The following HORMAD2 variants were observed in gnomAD, a reference collection of about 807,000 sequenced individuals.
HORMAD2 encodes the protein HORMA domain-containing protein 2.
Under a neutral mutation model 38.8 loss-of-function variants are expected in HORMAD2, and 45 were observed. The observed-to-expected ratio is 1.16, with a 90% CI of 0.91 to 1.49. The LOEUF is 1.49. HORMAD2 is among the 40% of genes most tolerant of loss of function. The probability of loss-of-function intolerance (pLI) is 0.00; values close to 1 mark genes in which losing one functional copy is unlikely to be tolerated. For missense variants in HORMAD2, 338 were observed against 367.0 expected, an observed-to-expected ratio of 0.92 and a Z score of 0.65; for synonymous variants, 126 against 122.8, an observed-to-expected ratio of 1.03 and a Z score of -0.17.
rs564568364 is a variant in HORMAD2, at chr22:30,153,828, A to G, written c.820-22235A>G. Among the ~76,000 whole-genome samples the G allele has an allele frequency of 1.6e-4, 24 of 152,292 alleles. No homozygotes were observed. The South Asian group carries it at 2.3e-3, about 14-fold the overall frequency. ...TTAGTTCTTCTCCCTCAAAACCTAT[A>G]TCCAGTCCATCAGTGAGTCTAGTGA... On this transcript the variant is annotated intron_variant, in intron 10 of 10. Transcript: ENST00000336726.
intron 2 of HORMAD2, among the ~76,000 whole-genome samples, chr22:30,096,471 T>G (rs573954220): frequency 3.0e-4 from 45 of 150,732 alleles, no homozygotes; most frequent in African/African-American, 1.0e-3. Context: ...TGTAGTATTC[T>G]CTCATTGTGA....
At chr22:30,107,749 C>CAAAT (rs554068125) in intron 5 of HORMAD2, among the ~76,000 whole-genome samples, 109 of 151,664 alleles carry the variant, frequency 7.2e-4, no homozygotes, top group East Asian at 2.9e-3. Context: ...AACTTCATCT[C>CAAAT]AAATAAATAA....
At chr22:30,184,035 C>T in the HORMAD2 span, among the ~76,000 whole-genome samples, 3 of 152,132 alleles carry the variant, frequency 2.0e-5, no homozygotes, top group Non-Finnish European at 2.9e-5. Flanking sequence ...AGTATCTCTC[C>T]CTATCTGTGG....
chr22:30,194,299 A>G, the HORMAD2 span, among the ~76,000 whole-genome samples: 1 of 152,184 alleles, frequency 6.6e-6, no homozygotes, highest in African/African-American at 2.4e-5. Context: ...AACATTTAGG[A>G]GTCTGAAAAC....
intron 10 of HORMAD2, among the ~76,000 whole-genome samples, chr22:30,151,346 C>T (rs887062234): frequency 1.3e-5 from 2 of 151,984 alleles, no homozygotes; most frequent in African/African-American, 2.4e-5. Flanking sequence ...ATCCAGAAGT[C>T]GGTAAACATA....
At chr22:30,166,720 G>A (rs1301251237) in intron 10 of HORMAD2, among the ~76,000 whole-genome samples, 1 of 152,166 alleles carries the variant, frequency 6.6e-6, no homozygotes, top group Non-Finnish European at 1.5e-5. Flanking sequence ...TCTGTTGTCA[G>A]AAACGTTCAA....
chr22:30,177,136 A>G (rs1237126233), downstream of HORMAD2: 4 of 152,398 alleles, frequency 2.6e-5, no homozygotes, highest in African/African-American at 4.8e-5. Context: ...TAACATCAGT[A>G]TCTCTCCAAA....
chr22:30,137,106 A>G, intron 10 of HORMAD2: 1 of 382,404 alleles, frequency 2.6e-6, no homozygotes, highest in African/African-American at 2.1e-5. Flanking sequence ...AACTTAAATC[A>G]TGGTCTGCTA....
the HORMAD2 span, among the ~76,000 whole-genome samples, chr22:30,190,480 G>A: frequency 1.3e-5 from 2 of 152,198 alleles, no homozygotes; most frequent in African/African-American, 2.4e-5. Flanking sequence ...TGTAACTTTC[G>A]ATGGCACTAT....
At chr22:30,132,417 A>G (rs1217329997) in intron 10 of HORMAD2, among the ~76,000 whole-genome samples, 1 of 152,042 alleles carries the variant, frequency 6.6e-6, no homozygotes, top group Non-Finnish European at 1.5e-5. Context: ...CCCTGTCTCT[A>G]CTAAAAATAC....
intron 10 of HORMAD2, among the ~76,000 whole-genome samples, chr22:30,129,420 C>T (rs1464800959): frequency 6.6e-6 from 1 of 151,840 alleles, no homozygotes; most frequent in African/African-American, 2.4e-5. Context: ...ATAATATTAA[C>T]TAACAATTTC....
At chr22:30,153,587 A>G (rs1459599697) in intron 10 of HORMAD2, among the ~76,000 whole-genome samples, 1 of 152,120 alleles carries the variant, frequency 6.6e-6, no homozygotes, top group Non-Finnish European at 1.5e-5. Flanking sequence ...GGCCCAAATC[A>G]TATCCATTTT....
chr22:30,172,441 A>G (rs563638197), intron 10 of HORMAD2, among the ~76,000 whole-genome samples: 1 of 152,358 alleles, frequency 6.6e-6, no homozygotes, highest in South Asian at 2.1e-4. Flanking sequence ...TGGGAAACCA[A>G]CTATGTCTCC....
At chr22:30,139,027 C>A (rs1030849786) in intron 10 of HORMAD2, among the ~76,000 whole-genome samples, 1 of 151,534 alleles carries the variant, frequency 6.6e-6, no homozygotes, top group Non-Finnish European at 1.5e-5. Context: ...AAAAGACTGG[C>A]CTCCCTGAGC....
chr22:30,126,797 C>T (rs1341461966), intron 10 of HORMAD2, among the ~76,000 whole-genome samples: 1 of 152,114 alleles, frequency 6.6e-6, no homozygotes, highest in Admixed American at 6.5e-5. Context: ...ATTTACAATC[C>T]CACCAGCAAT....
chr22:30,090,776 C>A (rs1311316973), intron 1 of HORMAD2, among the ~76,000 whole-genome samples: 2 of 152,086 alleles, frequency 1.3e-5, no homozygotes, highest in Non-Finnish European at 2.9e-5. Context: ...TTATGGGGTA[C>A]AGAGTGATAT....
In HORMAD2 at chr22:30,121,973, A is replaced by G. The variant is rs1439657616; in HGVS notation, c.578A>G (p.His193Arg). ...CCTTTTCATTTCGCAGTGACCCCACATGATTACCAACCCCTCGGTTTTAAA... is the reference window on the plus strand; with the variant it reads ...CCTTTTCATTTCGCAGTGACCCCACGTGATTACCAACCCCTCGGTTTTAAA... ...KLHYYNAVTP[H>R]DYQPLGFKEG... The change falls in exon 10 of 11, where the codon CAT (histidine) becomes CGT (arginine). Residue 193 changes from histidine (H) to arginine (R), a missense_variant. Transcript: ENST00000336726. The G allele has an allele frequency of 5.0e-6, 8 of 1,611,030 alleles. No individual in the cohort carries two copies. Among genetic ancestry groups the G allele is most frequent in the South Asian group, 1.1e-5 (1 of 90,654 alleles).
intron 1 of HORMAD2, among the ~76,000 whole-genome samples, chr22:30,086,715 G>T (rs1662720812): frequency 6.6e-6 from 1 of 152,194 alleles, no homozygotes; most frequent in African/African-American, 2.4e-5. Flanking sequence ...ACAGGCAAAA[G>T]ATGAGACTGG....
chr22:30,165,632 A>G (rs1925730626), intron 10 of HORMAD2, among the ~76,000 whole-genome samples: 1 of 151,914 alleles, frequency 6.6e-6, no homozygotes, highest in Non-Finnish European at 1.5e-5. Flanking sequence ...TTTTTTCTAT[A>G]TTTTGTTTTA....
Sources: gnomAD v4.1 joint callset for allele counts (sites outside exome capture counted in the v4.1 genomes callset) on GRCh38, gnomAD v4.1.1 for gene constraint, MANE v1.5 for transcripts, NCBI Gene and HGNC (gene_info 2026-07-23, HGNC 2026-07-21) for gene names.